The following TNPO3 variants were observed in gnomAD, a reference collection of about 807,000 sequenced individuals.
TNPO3 encodes transportin 3.
In TNPO3, 65 loss-of-function variants were observed where a neutral mutation model predicts 122.8. The ratio of observed to expected loss-of-function variants is 0.53; its 90% confidence interval spans 0.43 to 0.65. The LOEUF is 0.65. TNPO3 is among the 30% of genes least tolerant of loss of function. TNPO3 has a pLI of 0.00. For synonymous variants in TNPO3, 372 were observed against 411.2 expected, an observed-to-expected ratio of 0.90 and a Z score of 1.15; for missense variants, 850 against 1,136.7, an observed-to-expected ratio of 0.75 and a Z score of 3.63.
intron 16 of TNPO3, among the ~76,000 whole-genome samples, chr7:128,978,512 T>A (rs965967347): frequency 2.6e-5 from 4 of 152,240 alleles, no homozygotes; most frequent in Admixed American, 2.0e-4. Flanking sequence ...CTGCTATAGC[T>A]ACTATACAGA....
rs746485791 is a variant in TNPO3, at chr7:129,005,169, G to GA, written c.553-11dup. Reference sequence around the variant, plus strand: ...TTTCTACACAGGTCATCTGAATAGAGAAAAAAACTTAAAATGAATAATGTT... The same window carrying GA: ...TTTCTACACAGGTCATCTGAATAGAGAAAAAAAACTTAAAATGAATAATGTT... On this transcript the variant is annotated splice_polypyrimidine_tract_variant and intron_variant, in intron 4 of 22. Transcript: ENST00000265388. The GA allele has an allele frequency of 7.5e-6, 12 of 1,603,974 alleles. No homozygotes were observed. The highest frequency in any genetic ancestry group is 7.7e-6 in the Non-Finnish European group (9 of 1,175,568).
chr7:128,972,439 C>T lies in TNPO3; in HGVS notation c.2417G>A (p.Gly806Glu). The stretch of plus-strand genomic sequence containing the variant: ...TTTTATACTTACATCATTGGCTACC[C>T]CTGTATGAATGAGGTCTCGTAGAAA... ...MRFLRDLIHT[G>E]VANDHEEDFE... Residue 806 changes from glycine to glutamate, a missense_variant, in exon 19 of 23, where the codon GGG (glycine) becomes GAG (glutamate). Coordinates refer to ENST00000265388, the MANE Select transcript of TNPO3 (RefSeq NM_012470.4). 4 of 1,613,192 alleles carry T rather than the reference C, an allele frequency of 2.5e-6. No homozygotes were observed. The highest frequency in any genetic ancestry group is 3.4e-6 in the Non-Finnish European group (4 of 1,179,642).
intron 1 of TNPO3, among the ~76,000 whole-genome samples, chr7:129,053,922 AAT>A (rs1255777454): frequency 2.0e-5 from 3 of 152,212 alleles, no homozygotes; most frequent in Non-Finnish European, 4.4e-5. Flanking sequence ...GCTACAATTA[AAT>A]ATCTCACCGG....
At chr7:128,989,345 C>T (rs868741265) in intron 11 of TNPO3, among the ~76,000 whole-genome samples, 1 of 152,128 alleles carries the variant, frequency 6.6e-6, no homozygotes, top group African/African-American at 2.4e-5. Flanking sequence ...AATGTCAGGG[C>T]TTGATATATA....
intron 3 of TNPO3, among the ~76,000 whole-genome samples, chr7:129,016,661 A>G (rs112040962): frequency 4.6e-5 from 7 of 152,324 alleles, no homozygotes; most frequent in African/African-American, 1.7e-4. Flanking sequence ...CCCATTTAAT[A>G]TAATCTTAAA....
rs545060978 is a variant in TNPO3, at chr7:129,014,131, C to T, written c.552+848G>A. Reference sequence around the variant, plus strand: ...CTGAAAGAGAAGATTTAGAATGTTCCCTACACAAAGAAATGATAAAGGTTT... The same window carrying T: ...CTGAAAGAGAAGATTTAGAATGTTCTCTACACAAAGAAATGATAAAGGTTT... On this transcript the variant is annotated intron_variant, in intron 4 of 22. Transcript: ENST00000265388. Among the ~76,000 whole-genome samples the T allele has an allele frequency of 2.5e-4, 38 of 152,214 alleles. No individual in the cohort carries two copies. In the East Asian group the frequency reaches 6.0e-3, roughly 24 times the overall value.
At chr7:128,971,150 AT>A (rs982864757) in intron 19 of TNPO3, 18 of 147,654 alleles carry the variant, frequency 1.2e-4, no homozygotes, top group East Asian at 3.9e-4. Context: ...GCGGTCTTTA[AT>A]TTTTTTTTTT....
chr7:128,981,427 T>C (rs1799614627), intron 14 of TNPO3, among the ~76,000 whole-genome samples: 1 of 152,222 alleles, frequency 6.6e-6, no homozygotes, highest in Non-Finnish European at 1.5e-5. Context: ...TAATTTCACC[T>C]GATCACTGAA....
intron 13 of TNPO3, among the ~76,000 whole-genome samples, chr7:128,983,931 T>C (rs962643897): frequency 6.6e-6 from 1 of 152,238 alleles, no homozygotes; most frequent in African/African-American, 2.4e-5. Context: ...GACAAACCTC[T>C]TTAAAACATT....
chr7:128,986,727 AC>A lies in TNPO3; in HGVS notation c.1690+1del. 6.2e-7 allele frequency: 1 copy of A among 1,610,232 alleles called. No individual in the cohort carries two copies. The highest frequency in any genetic ancestry group is 1.3e-5 in the African/African-American group (1 of 74,870). ...TATTAGTGGTTAACATCAAGTGAGT[AC>A]CTTTTAGCAAGCCCACAGCAGCTTC... On this transcript the variant is annotated splice_donor_variant, in intron 12 of 22. Transcript: ENST00000265388. LOFTEE classifies it high-confidence loss of function.
intron 21 of TNPO3, among the ~76,000 whole-genome samples, chr7:128,958,378 T>G (rs1797116717): frequency 1.3e-5 from 2 of 151,942 alleles, no homozygotes. Context: ...CTCCTGACCT[T>G]GTGATCCGCC....
chr7:129,024,282 G>C (rs900662755), intron 1 of TNPO3, among the ~76,000 whole-genome samples: 1 of 152,122 alleles, frequency 6.6e-6, no homozygotes, highest in Non-Finnish European at 1.5e-5. Flanking sequence ...ACTGAATCCA[G>C]GCTTCCAGTC....
At chr7:128,974,842 G>C in intron 18 of TNPO3, 26 bp downstream of exon 18, 1 of 1,586,148 alleles carries the variant, frequency 6.3e-7, no homozygotes, top group Non-Finnish European at 8.7e-7. Context: ...GAGCAATTAA[G>C]AAATGGGCTC....
chr7:128,972,397 A>C lies in TNPO3; in HGVS notation c.2430+29T>G, dbSNP rs185718250. ...AAGAGATAGGAGATAAAAGCTGTTA[A>C]GTAGAAATGGTATCATTTTTATACT... On this transcript the variant is annotated intron_variant, in intron 19 of 22. Transcript: ENST00000265388. 7,087 of 1,594,104 alleles carry C rather than the reference A, an allele frequency of 4.4e-3. 20 individuals are homozygous for C. Among genetic ancestry groups the C allele is most frequent in the Non-Finnish European group, 5.5e-3 (6,460 of 1,169,836 alleles).
chr7:128,982,506 T>C (rs1177650951), intron 13 of TNPO3, among the ~76,000 whole-genome samples, 182 bp from the exon 14 acceptor site: 1 of 152,242 alleles, frequency 6.6e-6, no homozygotes, highest in Non-Finnish European at 1.5e-5. Context: ...GTCAAATTAT[T>C]TTCCTCCATC....
In TNPO3 at chr7:128,992,049, C is replaced by G; in HGVS notation, c.1308G>C (p.Val436=). 1 of 1,610,976 alleles carries G rather than the reference C, an allele frequency of 6.2e-7. No homozygotes were observed. Among genetic ancestry groups the G allele is most frequent in the South Asian group, 1.1e-5 (1 of 90,640 alleles). The change falls in exon 10 of 23, where the codon GTG becomes GTC. Residue 436 remains valine (V), a synonymous_variant. Coordinates refer to ENST00000265388, the MANE Select transcript of TNPO3 (RefSeq NM_012470.4). ...TLKEGNPPWE[V]TEAVLFIMAA... The stretch of plus-strand genomic sequence containing the variant: ...CCATGATAAAGAGAACCGCTTCTGT[C>G]ACCTCCCAGGGTGGGTTGCCTTCTT...
intron 4 of TNPO3, among the ~76,000 whole-genome samples, chr7:129,006,628 TGA>T (rs1300884155): frequency 6.6e-6 from 1 of 152,160 alleles, no homozygotes; most frequent in Non-Finnish European, 1.5e-5. Context: ...TCAGGAGGCA[TGA>T]GAGTGGGGGT....
chr7:128,989,896 G>A, intron 11 of TNPO3, 65 bp downstream of exon 11: 1 of 1,567,252 alleles, frequency 6.4e-7, no homozygotes, highest in Non-Finnish European at 8.7e-7. Context: ...GCAAAAGTAA[G>A]AGATGAGAAG....
intron 3 of TNPO3, 117 bp downstream of exon 3, chr7:129,016,866 A>T: frequency 1.2e-6 from 1 of 818,884 alleles, no homozygotes; most frequent in Non-Finnish European, 2.0e-6. Context: ...TTAATAACAT[A>T]ATTCTATGTT....
Sources: allele counts gnomAD v4.1 joint callset (sites outside exome capture counted in the v4.1 genomes callset), GRCh38; gene constraint gnomAD v4.1.1; transcripts MANE v1.5; gene names NCBI Gene and HGNC (gene_info 2026-07-23, HGNC 2026-07-21).